Variants in ZNF805 observed in about 807,000 individuals in gnomAD.
The protein encoded by ZNF805 is zinc finger protein 805.
Under a neutral mutation model 13.6 loss-of-function variants are expected in ZNF805, and 7 were observed. The observed-to-expected ratio is 0.51, with a 90% CI of 0.29 to 0.97. The LOEUF is 0.97. ZNF805 is among the 50% of genes least tolerant of loss of function. ZNF805 has a pLI of 0.08. For synonymous variants in ZNF805, 293 were observed against 279.8 expected, an observed-to-expected ratio of 1.05 and a Z score of -0.47; for missense variants, 604 against 771.0, an observed-to-expected ratio of 0.78 and a Z score of 2.57.
At position 57,256,553 on chromosome 19, in the gene ZNF805, G is replaced by T; in HGVS notation, c.*1850G>T. ...ATTTCATATTGGATGAATTTTTATA[G>T]ATTTTCTTAAGGAAGTGTTCATTTT... On this transcript the variant is annotated 3_prime_UTR_variant, in exon 4 of 4. Transcript: ENST00000414468. 6.6e-6 allele frequency among the ~76,000 whole-genome samples: 1 copy of T among 152,016 alleles called. No homozygotes were observed. The highest frequency in any genetic ancestry group is 1.5e-5 in the Non-Finnish European group (1 of 67,946).
rs2087688456 is a variant in ZNF805, at chr19:57,256,562, A to AAG, written c.*1860_*1861dup. Among the ~76,000 whole-genome samples the AAG allele has an allele frequency of 6.6e-6, 1 of 152,108 alleles. No homozygotes were observed. The highest frequency in any genetic ancestry group is 6.5e-5 in the Admixed American group (1 of 15,278). ...TGGATGAATTTTTATAGATTTTCTTAAGGAAGTGTTCATTTTATGTAAATG... is the reference window on the plus strand; with the variant it reads ...TGGATGAATTTTTATAGATTTTCTTAAGAGGAAGTGTTCATTTTATGTAAATG... On this transcript the variant is annotated 3_prime_UTR_variant, in exon 4 of 4. Coordinates refer to ENST00000414468, the MANE Select transcript of ZNF805 (RefSeq NM_001023563.4).
rs750391866 is a variant in ZNF805, at chr19:57,248,679, C to T, written c.232C>T (p.Leu78Phe). The T allele has an allele frequency of 1.9e-6, 3 of 1,597,570 alleles. No homozygotes were observed. Among genetic ancestry groups the T allele is most frequent in the African/African-American group, 1.3e-5 (1 of 74,772 alleles). The change falls in exon 3 of 4, where the codon CTC becomes TTC. Residue 78 changes from leucine to phenylalanine, a missense_variant. Physicochemically the swap from Leu to Phe is conservative, Grantham distance 22. Transcript: ENST00000414468. ...GQEPWTRKED[L>F]SQGTCPGDKG... ...GGAGCCATGGACCAGGAAGGAAGAC[C>T]TCTCCCAAGGCACCTGTCCAGGTAG...
At position 57,254,592 on chromosome 19, in the gene ZNF805, G is replaced by GA. The variant is rs1209279527; in HGVS notation, c.1778dup (p.Asn593LysfsTer8). The GA allele has an allele frequency of 6.2e-7, 1 of 1,613,972 alleles. No homozygotes were observed. Among genetic ancestry groups the GA allele is most frequent in the Non-Finnish European group, 8.5e-7 (1 of 1,179,994 alleles). ...TCAACATCCAAGAACTTTTATTGGG[G>GA]AAAAACTTTTTGAATGTCACCACTG... On this transcript the variant is annotated frameshift_variant, in exon 4 of 4. Coordinates refer to ENST00000414468, the MANE Select transcript of ZNF805 (RefSeq NM_001023563.4). LOFTEE classifies it low-confidence loss of function (END_TRUNC).
chr19:57,252,868 G>T (rs1012158088), intron 3 of ZNF805, among the ~76,000 whole-genome samples: 1 of 152,148 alleles, frequency 6.6e-6, no homozygotes, highest in African/African-American at 2.4e-5. Flanking sequence ...CCCTCACCTG[G>T]TCTCTCTGCC....
rs898900882 is a variant in ZNF805, at chr19:57,253,926, G to A, written c.1107G>A (p.Lys369=). The change falls in exon 4 of 4, where the codon AAG becomes AAA. Residue 369 remains lysine (K), a synonymous_variant. Coordinates refer to ENST00000414468, the MANE Select transcript of ZNF805 (RefSeq NM_001023563.4). This position sits in a 1 kb window ranked among gnomAD's most constrained non-coding sequence, Gnocchi z 4.4. ...ACCAGCAGACTCATACCGGGGAGAA[G>A]CCCTATGAGTGCAGTGAATGTGGGA... ...MWHQQTHTGE[K]PYECSECGKA... is the part of the protein sequence containing the mutation. 9 of 1,614,076 alleles carry A rather than the reference G, an allele frequency of 5.6e-6. No individual in the cohort carries two copies. The highest frequency in any genetic ancestry group is 6.8e-6 in the Non-Finnish European group (8 of 1,180,030).
chr19:57,248,540 T>G (rs538264820), intron 2 of ZNF805, 65 bp from the exon 3 acceptor site: 3 of 1,382,336 alleles, frequency 2.2e-6, no homozygotes, highest in South Asian at 2.5e-5. Context: ...AGTCCCAGAC[T>G]AGATTGAAGG....
chr19:57,254,629 T>C lies in ZNF805; in HGVS notation c.1810T>C (p.Leu604=). 1.9e-6 allele frequency: 3 copies of C among 1,614,102 alleles called. No individual in the cohort carries two copies. The highest frequency in any genetic ancestry group is 1.7e-6 in the Non-Finnish European group (2 of 1,179,994). ...FLNVTTEENL[L]QEEASYMASD... ...GAATGTCACCACTGAGGAAAATCTTTTGCAAGAGGAAGCATCTTACATGGC... is the reference window on the plus strand; with the variant it reads ...GAATGTCACCACTGAGGAAAATCTTCTGCAAGAGGAAGCATCTTACATGGC... The change falls in exon 4 of 4, where the codon TTG becomes CTG. Residue 604 remains leucine, a synonymous_variant. Coordinates refer to ENST00000414468, the MANE Select transcript of ZNF805 (RefSeq NM_001023563.4).
Position 57,262,601 on chromosome 19 carries a change from C to G in ZNF805, c.*7898C>G, listed in dbSNP as rs1348022020. 3 of 167,080 alleles carry G rather than the reference C, an allele frequency of 1.8e-5. No homozygotes were observed. The highest frequency in any genetic ancestry group is 4.4e-5 in the Non-Finnish European group (3 of 68,124). The allele number at this position is 167,080 out of a possible 1,614,324, so 10.3% of individuals were successfully genotyped here. On this transcript the variant is annotated 3_prime_UTR_variant, in exon 4 of 4. Coordinates refer to ENST00000414468, the MANE Select transcript of ZNF805 (RefSeq NM_001023563.4). ...CACGTATGTCAGTTTCTCATCCACT[C>G]TTTGTTCTTGCTATTGAAAGTTGTA...
Position 57,253,411 on chromosome 19 carries a change from G to A in ZNF805, c.592G>A (p.Glu198Lys), listed in dbSNP as rs369423738. 79 of 1,562,050 alleles carry A rather than the reference G, an allele frequency of 5.1e-5. No individual in the cohort carries two copies. In the East Asian group the frequency reaches 1.5e-3, roughly 30 times the overall value. ...ATCAGGTAAAAATCCAGTTATTCAG[G>A]AAGAGGAAAATATCTTTAAATGCAA... ...HGSGKNPVIQ[E>K]EENIFKCNEC... Residue 198 changes from glutamate to lysine, a missense_variant, in exon 4 of 4, where the codon GAA (glutamate) becomes AAA (lysine). Physicochemically the swap from Glu to Lys is moderately conservative, Grantham distance 56. Transcript: ENST00000414468. This position sits in a 1 kb window ranked among gnomAD's most constrained non-coding sequence, Gnocchi z 4.4.
At position 57,240,688 on chromosome 19, in the gene ZNF805, C is replaced by G. The variant is rs772366264; in HGVS notation, c.-204C>G. On this transcript the variant is annotated 5_prime_UTR_variant, in exon 1 of 4. Transcript: ENST00000414468. ...CGGTGTTCCGTGGCCGCCTCCCTGG[C>G]GGCGCTGGGGAAATGAGCAGGTAGG... 4.6e-5 allele frequency: 24 copies of G among 525,698 alleles called. No individual in the cohort carries two copies. The highest frequency in any genetic ancestry group is 7.4e-5 in the Non-Finnish European group (22 of 296,870). The allele number at this position is 525,698 out of a possible 1,614,324, so 32.6% of individuals were successfully genotyped here. A position where few individuals can be genotyped will look rare whatever the true frequency, so the allele number is the denominator to read the frequency against.
rs1454566851 is a variant in ZNF805, at chr19:57,255,299, AT to A, written c.*599del. On this transcript the variant is annotated 3_prime_UTR_variant, in exon 4 of 4. Transcript: ENST00000414468. ...GTAAATCTCAAAATTAGGTAATGTGATTTCTTTTTTCTTACTATTTTTATTT... is the reference window on the plus strand; with the variant it reads ...GTAAATCTCAAAATTAGGTAATGTGATTCTTTTTTCTTACTATTTTTATTT... Among the ~76,000 whole-genome samples the A allele has an allele frequency of 2.0e-5, 3 of 151,914 alleles. No individual in the cohort carries two copies. The highest frequency in any genetic ancestry group is 7.3e-5 in the African/African-American group (3 of 41,370).
chr19:57,241,301 T>C (rs1207042852), intron 1 of ZNF805, among the ~76,000 whole-genome samples: 2 of 151,998 alleles, frequency 1.3e-5, no homozygotes, highest in African/African-American at 4.8e-5. Flanking sequence ...CCTGGAACAG[T>C]AGGCCCCAAA....
chr19:57,252,138 T>G (rs1285712751), intron 3 of ZNF805, among the ~76,000 whole-genome samples: 2 of 152,224 alleles, frequency 1.3e-5, no homozygotes, highest in Non-Finnish European at 1.5e-5. Context: ...ATTTGCATAT[T>G]CTTTCTCCTA....
rs1182820781 is a variant in ZNF805 at position 57,256,171 on chromosome 19, G to A, written c.*1468G>A. On this transcript the variant is annotated 3_prime_UTR_variant, in exon 4 of 4. Coordinates refer to ENST00000414468, the MANE Select transcript of ZNF805 (RefSeq NM_001023563.4). ...TATTGAACCAGCCTCACATCTTTGTGATAAGCCCTACTTGATCATGGAGTA... is the reference window on the plus strand; with the variant it reads ...TATTGAACCAGCCTCACATCTTTGTAATAAGCCCTACTTGATCATGGAGTA... Among the ~76,000 whole-genome samples the A allele has an allele frequency of 6.6e-6, 1 of 152,100 alleles. No homozygotes were observed. The highest frequency in any genetic ancestry group is 1.5e-5 in the Non-Finnish European group (1 of 67,950).
rs986113707 is a variant in ZNF805 at position 57,261,829 on chromosome 19, G to A, written c.*7126G>A. 13 of 166,996 alleles carry A rather than the reference G, an allele frequency of 7.8e-5. No individual in the cohort carries two copies. The highest frequency in any genetic ancestry group is 2.9e-4 in the African/African-American group (12 of 41,422). The allele number at this position is 166,996 out of a possible 1,614,324, so 10.3% of individuals were successfully genotyped here. ...TGATTTACCACACCGAAAGAATCCA[G>A]AGCAAACTCAGCAAAAGGCTCAAAC... is the stretch of plus-strand genomic sequence containing the variant. On this transcript the variant is annotated 3_prime_UTR_variant, in exon 4 of 4. Coordinates refer to ENST00000414468, the MANE Select transcript of ZNF805 (RefSeq NM_001023563.4).
At chr19:57,251,728 AGT>A (rs2087653556) in intron 3 of ZNF805, among the ~76,000 whole-genome samples, 1 of 152,188 alleles carries the variant, frequency 6.6e-6, no homozygotes, top group East Asian at 1.9e-4. Flanking sequence ...TTTTATTGTA[AGT>A]TGTAAAACTT....
intron 2 of ZNF805, among the ~76,000 whole-genome samples, chr19:57,244,876 A>G (rs368124159): frequency 6.6e-6 from 1 of 151,668 alleles, no homozygotes; most frequent in South Asian, 2.1e-4. Context: ...GAGGCAGCAA[A>G]TGCTGCTCCA....
Position 57,261,143 on chromosome 19 carries a change from C to T in ZNF805, c.*6440C>T, listed in dbSNP as rs1206654899. ...GTGGGTCTTTGTTTCCTGGTCATCA[C>T]TTGTTTTTACTAAAATGGGTCAAAC... is the stretch of plus-strand genomic sequence containing the variant. On this transcript the variant is annotated 3_prime_UTR_variant, in exon 4 of 4. Transcript: ENST00000414468. Among the ~76,000 whole-genome samples, 3 of 152,192 alleles carry T rather than the reference C, an allele frequency of 2.0e-5. No homozygotes were observed. Among genetic ancestry groups the T allele is most frequent in the East Asian group, 1.9e-4 (1 of 5,206 alleles).
In ZNF805 at chr19:57,257,905, A is replaced by G. The variant is rs1404580855; in HGVS notation, c.*3202A>G. Among the ~76,000 whole-genome samples the G allele has an allele frequency of 6.6e-6, 1 of 150,530 alleles. No homozygotes were observed. The highest frequency in any genetic ancestry group is 2.5e-5 in the African/African-American group (1 of 40,806). On this transcript the variant is annotated 3_prime_UTR_variant, in exon 4 of 4. Transcript: ENST00000414468. Reference sequence around the variant, plus strand: ...GTATTTTTAGTAGAGATGGAGTTTCACCATGTTGGCCAGGCTGGTCTCGAA... The same window carrying G: ...GTATTTTTAGTAGAGATGGAGTTTCGCCATGTTGGCCAGGCTGGTCTCGAA...
Sources: gnomAD v4.1 joint callset for allele counts (sites outside exome capture counted in the v4.1 genomes callset) on GRCh38, gnomAD v4.1.1 for gene constraint, Gnocchi (gnomAD v3.1) non-coding constraint, MANE v1.5 for transcripts, NCBI Gene and HGNC (gene_info 2026-07-23, HGNC 2026-07-21) for gene names.